Variants in DCST2 observed in about 807,000 individuals in gnomAD.
DCST2 encodes DC-STAMP domain containing 2.
In DCST2, 64 loss-of-function variants were observed where a neutral mutation model predicts 81.8. That is an observed-to-expected ratio of 0.78 (90% CI 0.64 to 0.96). DCST2 has a LOEUF of 0.96. Among genes scored for constraint, DCST2 ranks in the 40% least tolerant of loss-of-function variants. DCST2 has a pLI of 0.00. For synonymous variants in DCST2, 354 were observed against 402.6 expected (o/e 0.88, Z 1.44); for missense variants, 945 against 1,001.4 (o/e 0.94, Z 0.76).
At position 155,032,989 on chromosome 1, in the gene DCST2, C is replaced by T. The variant is rs1030299943; in HGVS notation, c.439+105G>A. On this transcript the variant is annotated intron_variant, in intron 2 of 14. Coordinates refer to ENST00000368424, the MANE Select transcript of DCST2 (RefSeq NM_144622.3). ...GAGTCCCTTCCAGGCCCAGATGCTCCGCGATTAGCACCAGCAGAGAAGGAG... is the reference window on the plus strand; with the variant it reads ...GAGTCCCTTCCAGGCCCAGATGCTCTGCGATTAGCACCAGCAGAGAAGGAG... The T allele has an allele frequency of 1.7e-4, 221 of 1,321,014 alleles. 1 individual carries two copies. Among genetic ancestry groups the T allele is most frequent in the Non-Finnish European group, 1.8e-4 (180 of 977,956 alleles). 81.8% of individuals were successfully genotyped at this position (1,321,014 alleles called of 1,614,324 possible).
At chr1:155,031,119 G>A in intron 5 of DCST2, 50 bp downstream of exon 5, 1 of 1,556,468 alleles carries the variant, frequency 6.4e-7, no homozygotes, top group Non-Finnish European at 8.7e-7. Context: ...CCGGGATGAG[G>A]GAGGGAGACC....
At chr1:155,029,507 A>T (rs1660007483) in intron 7 of DCST2, 110 bp from the exon 8 acceptor site, 1 of 1,049,250 alleles carries the variant, frequency 9.5e-7, no homozygotes, top group Non-Finnish European at 1.4e-6. Flanking sequence ...CCGTCTGCTC[A>T]TCAGGAATAC....
Position 155,033,464 on chromosome 1 carries a change from C to G in DCST2, c.238G>C (p.Val80Leu), listed in dbSNP as rs1660166370. Reference protein sequence around the residue: ...MGFSRQVRATVLLLLPQAFSR... With the variant: ...MGFSRQVRATLLLLLPQAFSR... ...AAGGCCTGAGGCAGCAGCAGGAGGA[C>G]AGTGGCTCGGACCTGGCGAGAGAAT... Residue 80 changes from valine (V) to leucine (L), a missense_variant, in exon 1 of 15, where the codon GTC (valine) becomes CTC (leucine). By Grantham distance (32) the Val-to-Leu change is conservative. Coordinates refer to ENST00000368424, the MANE Select transcript of DCST2 (RefSeq NM_144622.3). 1.9e-6 allele frequency: 3 copies of G among 1,613,928 alleles called. No homozygotes were observed. The highest frequency in any genetic ancestry group is 1.7e-6 in the Non-Finnish European group (2 of 1,179,884).
chr1:155,022,787 C>T (rs1246996876), intron 14 of DCST2, among the ~76,000 whole-genome samples: 1 of 152,102 alleles, frequency 6.6e-6, no homozygotes, highest in African/African-American at 2.4e-5. Flanking sequence ...CATGTATCAC[C>T]TCTTCTATGA....
At position 155,032,657 on chromosome 1, in the gene DCST2, A is replaced by G; in HGVS notation, c.541+10T>C. On this transcript the variant is annotated intron_variant, in intron 3 of 14. Transcript: ENST00000368424. ...TTGAGTCCCCGGGATAGACATGCTA[A>G]TGTGCTTACCTATGTGTTTCACACC... The G allele has an allele frequency of 6.2e-7, 1 of 1,612,962 alleles. No individual in the cohort carries two copies. The highest frequency in any genetic ancestry group is 8.5e-7 in the Non-Finnish European group (1 of 1,179,224).
chr1:155,018,795 C>A, intron 14 of DCST2, 35 bp from the exon 15 acceptor site: 1 of 1,591,546 alleles, frequency 6.3e-7, no homozygotes, highest in East Asian at 2.3e-5. Context: ...CCGGATCACC[C>A]ACCTTCTGTC....
intron 10 of DCST2, among the ~76,000 whole-genome samples, chr1:155,025,245 G>T (rs930867300): frequency 1.3e-4 from 20 of 152,102 alleles, no homozygotes; most frequent in Non-Finnish European, 2.5e-4. Context: ...CTTGGAGACT[G>T]GCAAAGAGAT....
In DCST2 at chr1:155,018,645, T is replaced by A. The variant is rs1193440459; in HGVS notation, c.2221A>T (p.Thr741Ser). The A allele has an allele frequency of 2.1e-5, 34 of 1,613,702 alleles. No homozygotes were observed. Among genetic ancestry groups the A allele is most frequent in the Non-Finnish European group, 2.8e-5 (33 of 1,179,874 alleles). The change falls in exon 15 of 15, where the codon ACA becomes TCA. Residue 741 changes from threonine (T) to serine (S), a missense_variant. By Grantham distance (58) the Thr-to-Ser change is moderately conservative (BLOSUM62 1). Transcript: ENST00000368424. Reference sequence around the variant, plus strand: ...GGGGCTCCTTTAGTGGCGGAGGATGTCTCAGGTGGTCTGTGGGGCTCAGGG... The same window carrying A: ...GGGGCTCCTTTAGTGGCGGAGGATGACTCAGGTGGTCTGTGGGGCTCAGGG... ...TSPEPHRPPE[T>S]SSATKGAPTP...
In DCST2 at chr1:155,023,231, T is replaced by C. The variant is rs763399486; in HGVS notation, c.1991A>G (p.Gln664Arg). Residue 664 changes from glutamine to arginine, a missense_variant, in exon 14 of 15, where the codon CAG (glutamine) becomes CGG (arginine). Coordinates refer to ENST00000368424, the MANE Select transcript of DCST2 (RefSeq NM_144622.3). ...CCTTTGAGCTGCAGCCAGCCATAGC[T>C]GAGGGCCCTCCTCATCGCTGGAGTC... Reference protein sequence around the residue: ...ELDSSDEEGPQLWLAAAQRKD... With the variant: ...ELDSSDEEGPRLWLAAAQRKD... 3.2e-5 allele frequency: 51 copies of C among 1,614,072 alleles called. No homozygotes were observed. In the East Asian group the frequency reaches 1.1e-3, roughly 36 times the overall value.
chr1:155,030,276 T>G (rs1175619105), intron 6 of DCST2, 35 bp from the exon 7 acceptor site: 1 of 1,613,182 alleles, frequency 6.2e-7, no homozygotes, highest in East Asian at 2.2e-5. Flanking sequence ...GTGAGGCCCC[T>G]TAGGACCCCA....
chr1:155,022,641 G>A (rs1659786582), intron 14 of DCST2, among the ~76,000 whole-genome samples: 1 of 152,162 alleles, frequency 6.6e-6, no homozygotes, highest in Non-Finnish European at 1.5e-5. Flanking sequence ...AGCTACCCAG[G>A]AGACTGAGGT....
chr1:155,028,868 CAAAAAA>C (rs71767777), intron 8 of DCST2, among the ~76,000 whole-genome samples: 1 of 101,504 alleles, frequency 9.9e-6, no homozygotes, highest in Non-Finnish European at 2.0e-5. Context: ...GACTCTGTCT[CAAAAAA>C]AAAAAAAAAA....
chr1:155,029,520 A>G, intron 7 of DCST2, 123 bp from the exon 8 acceptor site: 1 of 946,062 alleles, frequency 1.1e-6, no homozygotes, highest in Non-Finnish European at 1.6e-6. Flanking sequence ...AGGAATACGG[A>G]AAAGAAAAGA....
chr1:155,028,623 C>G (rs1467346645), intron 8 of DCST2, among the ~76,000 whole-genome samples: 1 of 151,354 alleles, frequency 6.6e-6, no homozygotes, highest in Non-Finnish European at 1.5e-5. Context: ...ACCTGTAATC[C>G]CAGCACTTTG....
chr1:155,031,089 G>A, intron 5 of DCST2, 80 bp downstream of exon 5: 1 of 1,441,278 alleles, frequency 6.9e-7, no homozygotes, highest in South Asian at 1.3e-5. Context: ...TGGGAGCACT[G>A]GGGGCTGGCC....
At chr1:155,023,093 T>C in intron 14 of DCST2, 24 bp downstream of exon 14, 1 of 1,605,412 alleles carries the variant, frequency 6.2e-7, no homozygotes, top group Non-Finnish European at 8.5e-7. Flanking sequence ...AATTCCCAGG[T>C]GCCAACTCCT....
chr1:155,032,961 CCA>C, intron 2 of DCST2, 131 bp downstream of exon 2: 1 of 1,120,640 alleles, frequency 8.9e-7, no homozygotes, highest in East Asian at 2.6e-5. Flanking sequence ...TTAGCTGTGC[CCA>C]GAGTCCCTTC....
chr1:155,024,081 C>T (rs1402523021), intron 11 of DCST2, 122 bp from the exon 12 acceptor site: 1 of 1,381,268 alleles, frequency 7.2e-7, no homozygotes, highest in Non-Finnish European at 9.7e-7. Flanking sequence ...TCCTCCATCC[C>T]TCTGATTTCA....
At chr1:155,030,377 C>A in intron 6 of DCST2, 55 bp downstream of exon 6, 3 of 1,601,146 alleles carry the variant, frequency 1.9e-6, no homozygotes, top group Non-Finnish European at 1.7e-6. Flanking sequence ...CTCCCTGCAG[C>A]CCTGGCCCTG....
Sources: allele counts gnomAD v4.1 joint callset (sites outside exome capture counted in the v4.1 genomes callset), GRCh38; gene constraint gnomAD v4.1.1; transcripts MANE v1.5; gene names NCBI Gene and HGNC (gene_info 2026-07-23, HGNC 2026-07-21).